GABRB2: variants seen among roughly 807,000 people sequenced by gnomAD.
The protein encoded by GABRB2 is gamma-aminobutyric acid receptor subunit beta-2.
In GABRB2, 16 loss-of-function variants were observed where a neutral mutation model predicts 54.7. The ratio of observed to expected loss-of-function variants is 0.29; its 90% CI spans 0.20 to 0.44. The LOEUF (loss-of-function observed/expected upper bound fraction) is 0.44, where lower values mean the gene tolerates loss of function less well. Among genes scored for constraint, GABRB2 ranks in the 20% least tolerant of loss-of-function variants. The probability of loss-of-function intolerance (pLI) is 1.00; values close to 1 mark genes in which losing one functional copy is unlikely to be tolerated. For synonymous variants in GABRB2, 244 were observed against 233.8 expected (o/e 1.04, Z -0.40); for missense variants, 355 against 644.0 (o/e 0.55, Z 4.86).
chr5:161,470,767 G>A lies in GABRB2; in HGVS notation c.238-10923C>T, dbSNP rs187385243. Among the ~76,000 whole-genome samples, 164 of 151,976 alleles carry A rather than the reference G, an allele frequency of 1.1e-3. 1 individual carries two copies. Among genetic ancestry groups the A allele is most frequent in the African/African-American group, 3.6e-3 (151 of 41,480 alleles). On this transcript the variant is annotated intron_variant, in intron 3 of 9. Transcript: ENST00000393959. ...ATTTTCCATTTAATATTTTCGGACAGTGGTTGACCACCGGTAACTTAAACC... is the reference window on the plus strand; with the variant it reads ...ATTTTCCATTTAATATTTTCGGACAATGGTTGACCACCGGTAACTTAAACC...
At chr5:161,519,493 A>T (rs1044154189) in intron 3 of GABRB2, among the ~76,000 whole-genome samples, 1 of 152,156 alleles carries the variant, frequency 6.6e-6, no homozygotes, top group African/African-American at 2.4e-5. Flanking sequence ...TGATCTTCCA[A>T]TGAAGGCAAA....
At chr5:161,374,166 A>C (rs1442207996) in intron 5 of GABRB2, among the ~76,000 whole-genome samples, 1 of 151,724 alleles carries the variant, frequency 6.6e-6, no homozygotes, top group Non-Finnish European at 1.5e-5. Context: ...CTGGTCTCGA[A>C]CTCCTGATCT....
At position 161,291,073 on chromosome 5, in the gene GABRB2, G is replaced by T; in HGVS notation, c.*3008C>A. 1 of 152,476 alleles carries T rather than the reference G, an allele frequency of 6.6e-6. No individual in the cohort carries two copies. Among genetic ancestry groups the T allele is most frequent in the Middle Eastern group, 3.2e-3 (1 of 316 alleles). The allele number at this position is 152,476 out of a possible 1,614,324, so 9.4% of individuals were successfully genotyped here. A position where few individuals can be genotyped will look rare whatever the true frequency, so the allele number is the denominator to read the frequency against. ...TTTAACATTCCTTATGCAAACACAT[G>T]ATTATGTTGCATGAGTTTTCAACTC... On this transcript the variant is annotated 3_prime_UTR_variant, in exon 10 of 10. Transcript: ENST00000393959.
At chr5:161,389,662 G>A (rs1468676526) in intron 5 of GABRB2, among the ~76,000 whole-genome samples, 1 of 151,406 alleles carries the variant, frequency 6.6e-6, no homozygotes, top group African/African-American at 2.4e-5. Flanking sequence ...AGGGATTAAG[G>A]AATTGTTTGG....
chr5:161,529,370 G>A (rs17059514), intron 3 of GABRB2, among the ~76,000 whole-genome samples: 6,460 of 152,008 alleles, frequency 0.042, 411 homozygotes, highest in Admixed American at 0.16. Flanking sequence ...CTATGTTGGA[G>A]GCGATTCCAT....
At chr5:161,409,289 G>T (rs534570255) in intron 5 of GABRB2, among the ~76,000 whole-genome samples, 12 of 152,058 alleles carry the variant, frequency 7.9e-5, no homozygotes, top group African/African-American at 2.9e-4. Context: ...TTGTAAAGAC[G>T]GAAATATTAA....
intron 4 of GABRB2, among the ~76,000 whole-genome samples, chr5:161,458,451 T>C (rs1758026675): frequency 6.6e-6 from 1 of 152,192 alleles, no homozygotes. Flanking sequence ...GAAGGCCAAA[T>C]GCCTTTTTCT....
intron 5 of GABRB2, among the ~76,000 whole-genome samples, chr5:161,344,726 T>C (rs1024984576): frequency 6.6e-6 from 1 of 152,064 alleles, no homozygotes; most frequent in African/African-American, 2.4e-5. Flanking sequence ...ATCATTCTAC[T>C]ATAAAGACAC....
chr5:161,429,890 C>A (rs1009456705), intron 4 of GABRB2, among the ~76,000 whole-genome samples: 1 of 152,098 alleles, frequency 6.6e-6, no homozygotes, highest in Non-Finnish European at 1.5e-5. Flanking sequence ...GATAAGGTAT[C>A]AATTTCCCAG....
chr5:161,303,899 A>G (rs937102475), intron 9 of GABRB2, among the ~76,000 whole-genome samples: 1 of 152,160 alleles, frequency 6.6e-6, no homozygotes, highest in African/African-American at 2.4e-5. Flanking sequence ...CCCCAGTTTC[A>G]ATCCTCTAAC....
At chr5:161,469,388 C>T (rs972511502) in intron 3 of GABRB2, among the ~76,000 whole-genome samples, 16 of 151,724 alleles carry the variant, frequency 1.1e-4, no homozygotes, top group African/African-American at 3.9e-4. Flanking sequence ...AAAAGGAGTT[C>T]ATTTAGAATC....
chr5:161,509,450 A>G (rs939648650), intron 3 of GABRB2, among the ~76,000 whole-genome samples: 2 of 151,828 alleles, frequency 1.3e-5, no homozygotes, highest in Non-Finnish European at 2.9e-5. Flanking sequence ...GCATGAGGAA[A>G]ATCAGTTAAG....
At chr5:161,453,578 C>T (rs1056056989) in intron 4 of GABRB2, among the ~76,000 whole-genome samples, 14 of 152,294 alleles carry the variant, frequency 9.2e-5, no homozygotes, top group South Asian at 4.1e-4. Flanking sequence ...TTGGACTTCC[C>T]AGCCTGCAGA....
intron 9 of GABRB2, among the ~76,000 whole-genome samples, chr5:161,301,035 A>G (rs903627049): frequency 6.6e-6 from 1 of 152,218 alleles, no homozygotes; most frequent in African/African-American, 2.4e-5. Context: ...AAACAGGATT[A>G]TTAATATTCC....
intron 3 of GABRB2, among the ~76,000 whole-genome samples, chr5:161,502,796 A>G (rs1015182788): frequency 1.3e-5 from 2 of 152,216 alleles, no homozygotes; most frequent in South Asian, 4.1e-4. Flanking sequence ...TTGTAAAGCA[A>G]ACTACTGGGT....
At chr5:161,506,184 A>C (rs370198650) in intron 3 of GABRB2, among the ~76,000 whole-genome samples, 11 of 152,152 alleles carry the variant, frequency 7.2e-5, no homozygotes, top group African/African-American at 2.7e-4. Flanking sequence ...AACACTAAAA[A>C]TTCAACATAC....
chr5:161,462,355 G>A lies in GABRB2; in HGVS notation c.238-2511C>T, dbSNP rs572713620. Among the ~76,000 whole-genome samples the A allele has an allele frequency of 2.6e-5, 4 of 152,218 alleles. No homozygotes were observed. The South Asian group carries it at 8.3e-4, about 32-fold the overall frequency. On this transcript the variant is annotated intron_variant, in intron 3 of 9. Coordinates refer to ENST00000393959, the MANE Select transcript of GABRB2 (RefSeq NM_001371727.1). ...TAACTAGAAAACAGTAAAAGGATCAGATATATATTTTTGTGTGTGCCTATG... is the reference window on the plus strand; with the variant it reads ...TAACTAGAAAACAGTAAAAGGATCAAATATATATTTTTGTGTGTGCCTATG...
At chr5:161,401,589 C>T (rs1310839954) in intron 5 of GABRB2, among the ~76,000 whole-genome samples, 1 of 152,100 alleles carries the variant, frequency 6.6e-6, no homozygotes, top group East Asian at 1.9e-4. Context: ...AATTGTAATG[C>T]CTCAAGTATT....
chr5:161,297,902 G>C (rs1204995958), intron 9 of GABRB2, among the ~76,000 whole-genome samples: 1 of 152,188 alleles, frequency 6.6e-6, no homozygotes, highest in Non-Finnish European at 1.5e-5. Flanking sequence ...CCCACTAACA[G>C]TGTAAAAGTG....
Sources: gnomAD v4.1 joint callset for allele counts (sites outside exome capture counted in the v4.1 genomes callset) on GRCh38, gnomAD v4.1.1 for gene constraint, MANE v1.5 for transcripts, NCBI Gene and HGNC (gene_info 2026-07-23, HGNC 2026-07-21) for gene names.